The following CD99L2 variants were observed in gnomAD, a reference collection of about 807,000 sequenced individuals.
CD99L2 encodes CD99 antigen-like protein 2.
CD99L2 carries 24 observed loss-of-function variants against 27.3 expected under a neutral mutation model. The ratio of observed to expected loss-of-function variants is 0.88; its 90% confidence interval spans 0.64 to 1.24. CD99L2 has a LOEUF of 1.24. Among genes scored for constraint, CD99L2 ranks in the 50% most tolerant of loss-of-function variants. CD99L2 has a pLI of 0.00. For missense variants in CD99L2, 255 were observed against 221.6 expected (o/e 1.15, Z -0.96); for synonymous variants, 97 against 87.9 (o/e 1.10, Z -0.58).
In CD99L2 at chrX:150,890,226, C is replaced by T. The variant is rs189883212; in HGVS notation, c.67+8296G>A. The stretch of plus-strand genomic sequence containing the variant: ...GGGCACAGTGGCTCACGCCTGTAAT[C>T]CCAGCACTTTGTGAGGCCATGACAG... On this transcript the variant is annotated intron_variant, in intron 1 of 10. Transcript: ENST00000370377. Among the ~76,000 whole-genome samples the T allele has an allele frequency of 3.9e-3, 430 of 111,295 alleles. 1 individual carries two copies. Among genetic ancestry groups the T allele is most frequent in the Middle Eastern group, 0.014 (3 of 217 alleles).
In CD99L2 at chrX:150,768,685, C is replaced by G. The variant is rs2043352806; in HGVS notation, c.*349G>C. On this transcript the variant is annotated 3_prime_UTR_variant, in exon 11 of 11. Coordinates refer to ENST00000370377, the MANE Select transcript of CD99L2 (RefSeq NM_031462.4). ...GTCCCTTGAGTTCAAACTCTTGTCC[C>G]CTAAGCATAAATGTCATCAGGCCTC... 1 of 236,452 alleles carries G rather than the reference C, an allele frequency of 4.2e-6. No individual in the cohort carries two copies. The highest frequency in any genetic ancestry group is 2.1e-4 in the South Asian group (1 of 4,703). 19.5% of individuals were successfully genotyped at this position (236,452 alleles called of 1,213,427 possible).
intron 2 of CD99L2, among the ~76,000 whole-genome samples, chrX:150,823,325 G>A (rs1557420717): frequency 1.8e-5 from 2 of 111,700 alleles, no homozygotes; most frequent in Admixed American, 9.5e-5. Flanking sequence ...TCACTCTGTC[G>A]CTCAGGCTGG....
Position 150,831,817 on chromosome X carries a change from A to G in CD99L2, c.68-524T>C, listed in dbSNP as rs150242650. 2.4e-3 allele frequency among the ~76,000 whole-genome samples: 270 copies of G among 112,313 alleles called. 3 individuals are homozygous for G. Among genetic ancestry groups the G allele is most frequent in the African/African-American group, 7.9e-3 (244 of 30,961 alleles). On this transcript the variant is annotated intron_variant, in intron 1 of 10. Transcript: ENST00000370377. ...GTAAAAAGAGACAAAGAAGGTCATT[A>G]TATGCTAAAGGGGTCAATTCATTAA...
At chrX:150,893,917 T>C (rs966003090) in intron 1 of CD99L2, among the ~76,000 whole-genome samples, 1 of 111,176 alleles carries the variant, frequency 9.0e-6, no homozygotes, top group Non-Finnish European at 1.9e-5. Context: ...GGTTTCACCA[T>C]GTTGGCCAGG....
rs1278110368 is a variant in CD99L2, at chrX:150,859,807, C to A, written c.68-28514G>T. On this transcript the variant is annotated intron_variant, in intron 1 of 10. Coordinates refer to ENST00000370377, the MANE Select transcript of CD99L2 (RefSeq NM_031462.4). ...AGCCACCGCGCCCGGCAGCAAAACT[C>A]TGTCTTAAATAATAATAATAAAATA... Among the ~76,000 whole-genome samples the A allele has an allele frequency of 3.6e-5, 4 of 110,033 alleles. No homozygotes were observed. The East Asian group carries it at 1.2e-3, about 32-fold the overall frequency.
chrX:150,872,753 A>C (rs1290384084), intron 1 of CD99L2, among the ~76,000 whole-genome samples: 1 of 110,697 alleles, frequency 9.0e-6, no homozygotes, highest in Non-Finnish European at 1.9e-5. Context: ...GGGACCCAAT[A>C]TCAAAAAGAC....
At chrX:150,816,290 G>T in intron 2 of CD99L2, 1 of 410,850 alleles carries the variant, frequency 2.4e-6, no homozygotes, top group South Asian at 3.5e-5. Context: ...TTTCTTTGGA[G>T]GCTGAGGGTG....
intron 7 of CD99L2, among the ~76,000 whole-genome samples, chrX:150,779,132 C>T (rs1436289464): frequency 8.9e-6 from 1 of 112,139 alleles, no homozygotes; most frequent in African/African-American, 3.2e-5. Context: ...CACAAGGATT[C>T]CCAGCAACTT....
chrX:150,769,290 T>C lies in CD99L2; in HGVS notation c.722-189A>G, dbSNP rs1213019876. On this transcript the variant is annotated intron_variant, in intron 10 of 10. Transcript: ENST00000370377. ...GGTCAAGGGGAGAGAAAGAGAAAGCTGGACAGGCTCTGGAAACAGCTCAGC... is the reference window on the plus strand; with the variant it reads ...GGTCAAGGGGAGAGAAAGAGAAAGCCGGACAGGCTCTGGAAACAGCTCAGC... Among the ~76,000 whole-genome samples the C allele has an allele frequency of 2.7e-5, 3 of 112,023 alleles. No homozygotes were observed. In the East Asian group the frequency reaches 8.5e-4, roughly 32 times the overall value.
chrX:150,870,870 G>A (rs2047145850), intron 1 of CD99L2, among the ~76,000 whole-genome samples: 1 of 110,256 alleles, frequency 9.1e-6, no homozygotes, highest in Admixed American at 9.8e-5. Flanking sequence ...TAAGGGACAA[G>A]CAGAACTGTG....
At chrX:150,815,548 G>A (rs1359550522) in intron 3 of CD99L2, among the ~76,000 whole-genome samples, 1 of 111,840 alleles carries the variant, frequency 8.9e-6, no homozygotes, top group Non-Finnish European at 1.9e-5. Flanking sequence ...TGTCTAAATC[G>A]TAAAGTGGCC....
chrX:150,883,879 AC>A (rs1178044080), intron 1 of CD99L2, among the ~76,000 whole-genome samples: 1 of 112,110 alleles, frequency 8.9e-6, no homozygotes, highest in Non-Finnish European at 1.9e-5. Flanking sequence ...CTCATTAGTA[AC>A]CAGAAAGATG....
chrX:150,867,225 C>T (rs1291229407), intron 1 of CD99L2, among the ~76,000 whole-genome samples: 1 of 110,576 alleles, frequency 9.0e-6, no homozygotes, highest in African/African-American at 3.3e-5. Context: ...GCTTGGGCTA[C>T]GTGGCAAAAC....
intron 1 of CD99L2, among the ~76,000 whole-genome samples, chrX:150,874,785 C>T (rs1167636055): frequency 1.8e-5 from 2 of 112,187 alleles, no homozygotes; most frequent in Non-Finnish European, 3.8e-5. Flanking sequence ...ACTTGGTGGC[C>T]TTCACTGATC....
At chrX:150,822,708 T>C (rs1486900995) in intron 2 of CD99L2, among the ~76,000 whole-genome samples, 1 of 112,560 alleles carries the variant, frequency 8.9e-6, no homozygotes, top group Non-Finnish European at 1.9e-5. Flanking sequence ...GAGTAACTAT[T>C]TACCAAGTTG....
At chrX:150,880,477 T>A (rs2047308614) in intron 1 of CD99L2, among the ~76,000 whole-genome samples, 1 of 112,353 alleles carries the variant, frequency 8.9e-6, no homozygotes, top group South Asian at 3.7e-4. Context: ...ATTCCATTTA[T>A]ATGAATGCCC....
intron 1 of CD99L2, among the ~76,000 whole-genome samples, chrX:150,834,582 T>C (rs1309356793): frequency 8.9e-6 from 1 of 112,445 alleles, no homozygotes; most frequent in Non-Finnish European, 1.9e-5. Flanking sequence ...CAAATGATAT[T>C]TGTTGGTGAG....
Position 150,767,409 on chromosome X carries a change from G to A in CD99L2, c.*1625C>T, listed in dbSNP as rs1386052433. The A allele has an allele frequency of 8.9e-6, 1 of 112,072 alleles. No individual in the cohort carries two copies. The highest frequency in any genetic ancestry group is 3.2e-5 in the African/African-American group (1 of 30,771). 9.2% of individuals were successfully genotyped at this position (112,072 alleles called of 1,213,427 possible). ...GGTCCCCCTTCAGCCACACAGTCCA[G>A]GTCTGTCAGGGATTAAAGGGCCGAG... On this transcript the variant is annotated 3_prime_UTR_variant, in exon 11 of 11. Coordinates refer to ENST00000370377, the MANE Select transcript of CD99L2 (RefSeq NM_031462.4).
intron 1 of CD99L2, among the ~76,000 whole-genome samples, chrX:150,834,681 A>G (rs1375964436): frequency 1.8e-5 from 2 of 111,994 alleles, no homozygotes; most frequent in African/African-American, 6.5e-5. Context: ...GTTCCTCAAA[A>G]AAACAAAAAA....
Sources: allele counts gnomAD v4.1 joint callset (sites outside exome capture counted in the v4.1 genomes callset), GRCh38; gene constraint gnomAD v4.1.1; transcripts MANE v1.5; gene names NCBI Gene and HGNC (gene_info 2026-07-23, HGNC 2026-07-21).